Variants in SNTG1 observed in about 807,000 individuals in gnomAD.
The protein encoded by SNTG1 is gamma-1-syntrophin.
SNTG1 carries 39 observed loss-of-function variants against 74.7 expected under a neutral mutation model. The observed-to-expected ratio is 0.52, with a 90% CI of 0.40 to 0.68. The LOEUF (loss-of-function observed/expected upper bound fraction) is 0.68, where lower values mean the gene tolerates loss of function less well. SNTG1 is among the 30% of genes least tolerant of loss of function. The pLI, the probability that SNTG1 is intolerant of heterozygous loss-of-function variation, is 0.00. For missense variants in SNTG1, 685 were observed against 609.5 expected (o/e 1.12, Z -1.30); for synonymous variants, 254 against 217.1 (o/e 1.17, Z -1.49).
intron 1 of SNTG1, among the ~76,000 whole-genome samples, chr8:50,091,524 G>A (rs970866787): frequency 2.6e-5 from 4 of 152,062 alleles, no homozygotes; most frequent in Non-Finnish European, 5.9e-5. Flanking sequence ...CCATGCATAA[G>A]TGAGATCATG....
At chr8:50,779,021 G>T (rs189465957) in intron 18 of SNTG1, among the ~76,000 whole-genome samples, 1 of 152,008 alleles carries the variant, frequency 6.6e-6, no homozygotes, top group African/African-American at 2.4e-5. Flanking sequence ...GTAGATATGC[G>T]GCGTTATTTC....
chr8:50,421,051 GA>G (rs78070319), intron 4 of SNTG1, among the ~76,000 whole-genome samples: 2,199 of 22,610 alleles, frequency 0.097, 334 homozygotes, highest in East Asian at 0.16. Context: ...GTGGGCGGGG[GA>G]GGGGGGGGCG....
intron 1 of SNTG1, among the ~76,000 whole-genome samples, chr8:49,938,630 T>TCTTTCTTTCTTTCTTTCTTTCTTC: frequency 7.0e-6 from 1 of 143,010 alleles, no homozygotes; most frequent in African/African-American, 2.6e-5. Context: ...TTTCTTTCTT[T>TCTTTCTTTCTTTCTTTCTTTCTTC]CTTTCTTTCT....
chr8:50,281,970 G>A (rs2088483864), intron 2 of SNTG1, among the ~76,000 whole-genome samples: 1 of 152,138 alleles, frequency 6.6e-6, no homozygotes, highest in Non-Finnish European at 1.5e-5. Context: ...GACAGAGCAG[G>A]AGCATCGCCA....
At chr8:50,792,464 T>A (rs999702413) in intron 18 of SNTG1, among the ~76,000 whole-genome samples, 2 of 151,864 alleles carry the variant, frequency 1.3e-5, no homozygotes, top group African/African-American at 4.8e-5. Context: ...TCCTCCTACC[T>A]CTTATCCACC....
At chr8:50,081,709 C>A (rs1343055879) in intron 1 of SNTG1, among the ~76,000 whole-genome samples, 1 of 152,124 alleles carries the variant, frequency 6.6e-6, no homozygotes, top group African/African-American at 2.4e-5. Context: ...TCTTGGCTCA[C>A]TGCAACCTCT....
At chr8:50,492,790 G>A (rs897261530) in intron 8 of SNTG1, among the ~76,000 whole-genome samples, 1 of 152,138 alleles carries the variant, frequency 6.6e-6, no homozygotes, top group Non-Finnish European at 1.5e-5. Context: ...TGGTGTTTTA[G>A]TCATGAAGTC....
intron 17 of SNTG1, among the ~76,000 whole-genome samples, chr8:50,726,071 T>C (rs1334690537): frequency 6.6e-6 from 1 of 152,178 alleles, no homozygotes; most frequent in African/African-American, 2.4e-5. Context: ...TGTACAGGTA[T>C]GTGACATGTG....
At chr8:49,982,753 T>A (rs911969909) in intron 1 of SNTG1, among the ~76,000 whole-genome samples, 4 of 152,090 alleles carry the variant, frequency 2.6e-5, no homozygotes, top group Non-Finnish European at 5.9e-5. Context: ...ATAGTTTAGA[T>A]CATTCCTAGT....
chr8:50,573,314 T>C (rs2094559118), intron 12 of SNTG1, among the ~76,000 whole-genome samples: 1 of 152,016 alleles, frequency 6.6e-6, no homozygotes, highest in Non-Finnish European at 1.5e-5. Flanking sequence ...AACAGGACAA[T>C]ATTTAAAACA....
chr8:50,613,410 T>G (rs1176246226), intron 13 of SNTG1, among the ~76,000 whole-genome samples: 1 of 152,196 alleles, frequency 6.6e-6, no homozygotes, highest in Non-Finnish European at 1.5e-5. Context: ...AATGATAAAT[T>G]GCAATAACAC....
rs2092817744 is a variant in SNTG1 at position 50,402,350 on chromosome 8, T to C, written c.162+6T>C. The C allele has an allele frequency of 6.4e-7, 1 of 1,574,340 alleles. No individual in the cohort carries two copies. The highest frequency in any genetic ancestry group is 8.6e-7 in the Non-Finnish European group (1 of 1,168,258). On this transcript the variant is annotated splice_donor_region_variant and intron_variant, in intron 4 of 18. Transcript: ENST00000642720. ...GTGAGCCTTTCTATTCTGGTGTAAGTAGCTTTTTCTTCTGTTGAAATTTTT... is the reference window on the plus strand; with the variant it reads ...GTGAGCCTTTCTATTCTGGTGTAAGCAGCTTTTTCTTCTGTTGAAATTTTT...
intron 2 of SNTG1, among the ~76,000 whole-genome samples, chr8:50,326,198 T>C (rs984403791): frequency 3.3e-5 from 5 of 152,060 alleles, no homozygotes; most frequent in African/African-American, 1.2e-4. Context: ...TATATTAGTG[T>C]AATACCTGCC....
chr8:50,720,065 C>A (rs2095484088), intron 17 of SNTG1, among the ~76,000 whole-genome samples: 1 of 152,118 alleles, frequency 6.6e-6, no homozygotes, highest in African/African-American at 2.4e-5. Flanking sequence ...GCAACTGGCC[C>A]AATGATAATG....
At position 50,671,959 on chromosome 8, in the gene SNTG1, C is replaced by A. The variant is rs559914219; in HGVS notation, c.1038+13296C>A. ...TATCGCAAGGACAAAAAACTAAACACCACATGTTCTCACTCACAGATGGGA... is the reference window on the plus strand; with the variant it reads ...TATCGCAAGGACAAAAAACTAAACAACACATGTTCTCACTCACAGATGGGA... On this transcript the variant is annotated intron_variant, in intron 15 of 18. Transcript: ENST00000642720. 3.0e-3 allele frequency among the ~76,000 whole-genome samples: 446 copies of A among 147,906 alleles called. 7 individuals carry two copies. The highest frequency in any genetic ancestry group is 0.011 in the African/African-American group (434 of 39,968).
intron 1 of SNTG1, among the ~76,000 whole-genome samples, chr8:50,108,661 C>T (rs933589439): frequency 2.6e-5 from 4 of 152,086 alleles, no homozygotes; most frequent in African/African-American, 4.8e-5. Context: ...TTTCTTGAAC[C>T]TAAAATATTT....
At chr8:50,043,238 T>C (rs1375714035) in intron 1 of SNTG1, among the ~76,000 whole-genome samples, 2 of 152,328 alleles carry the variant, frequency 1.3e-5, no homozygotes, top group South Asian at 2.1e-4. Flanking sequence ...CAAGTCTAAA[T>C]TGAAGCCAGG....
chr8:50,080,910 G>A (rs187218832), intron 1 of SNTG1, among the ~76,000 whole-genome samples: 46 of 152,024 alleles, frequency 3.0e-4, no homozygotes, highest in African/African-American at 8.9e-4. Flanking sequence ...AATTATAATT[G>A]CTTATTCTAA....
Position 50,743,515 on chromosome 8 carries a change from C to T in SNTG1, c.1285-8486C>T, listed in dbSNP as rs185829281. On this transcript the variant is annotated intron_variant, in intron 17 of 18. Transcript: ENST00000642720. Reference sequence around the variant, plus strand: ...AGAAAGATATTTGAAATATGAAAAACGACCCACAGATAATATTATATCCAA... The same window carrying T: ...AGAAAGATATTTGAAATATGAAAAATGACCCACAGATAATATTATATCCAA... Among the ~76,000 whole-genome samples the T allele has an allele frequency of 2.4e-3, 370 of 151,774 alleles. 3 individuals are homozygous for T. Among genetic ancestry groups the T allele is most frequent in the Middle Eastern group, 6.8e-3 (2 of 292 alleles).
Sources: gnomAD v4.1 joint callset for allele counts (sites outside exome capture counted in the v4.1 genomes callset) on GRCh38, gnomAD v4.1.1 for gene constraint, MANE v1.5 for transcripts, NCBI Gene and HGNC (gene_info 2026-07-23, HGNC 2026-07-21) for gene names.